Variants in DAB1 observed in about 807,000 individuals in gnomAD.
The protein encoded by DAB1 is DAB adaptor protein 1.
A neutral mutation model predicts 64.6 loss-of-function variants in DAB1; 15 were observed. That is an observed-to-expected ratio of 0.23 (90% confidence interval 0.16 to 0.36). The LOEUF (loss-of-function observed/expected upper bound fraction) is 0.36. DAB1 is among the 10% of genes least tolerant of loss of function. The pLI is 1.00. For missense variants in DAB1, 596 were observed against 706.7 expected (o/e 0.84, Z 1.78); for synonymous variants, 235 against 251.9 (o/e 0.93, Z 0.64).
At chr1:57,889,909 G>GCC (rs1644284879) in intron 5 of DAB1, among the ~76,000 whole-genome samples, 1 of 112,078 alleles carries the variant, frequency 8.9e-6, no homozygotes, top group Non-Finnish European at 1.9e-5. Flanking sequence ...CGGGGGGGGG[G>GCC]GAGGGGGAAG....
At chr1:58,485,060 G>C (rs1485480378) in intron 3 of DAB1, among the ~76,000 whole-genome samples, 1 of 151,764 alleles carries the variant, frequency 6.6e-6, no homozygotes, top group Non-Finnish European at 1.5e-5. Flanking sequence ...GATAATGATG[G>C]GTCAACATAG....
chr1:57,375,171 G>A (rs1313540494), intron 1 of DAB1, among the ~76,000 whole-genome samples: 6 of 152,092 alleles, frequency 3.9e-5, no homozygotes, highest in African/African-American at 1.4e-4. Flanking sequence ...CCCTCCACAG[G>A]AGCAGGTGGC....
chr1:57,922,936 T>C (rs1294937836), intron 5 of DAB1, among the ~76,000 whole-genome samples: 1 of 151,940 alleles, frequency 6.6e-6, no homozygotes, highest in Non-Finnish European at 1.5e-5. Flanking sequence ...ACAGCTCTTT[T>C]CTATTCCTTT....
intron 2 of DAB1, among the ~76,000 whole-genome samples, chr1:57,236,620 C>A (rs992532164): frequency 6.6e-6 from 1 of 152,158 alleles, no homozygotes; most frequent in Admixed American, 6.5e-5. Flanking sequence ...TCAACAATGC[C>A]TTTTTACGTC....
intron 7 of DAB1, among the ~76,000 whole-genome samples, chr1:57,434,802 A>G (rs1685630485): frequency 6.6e-6 from 1 of 152,192 alleles, no homozygotes. Context: ...ATGTATCTAA[A>G]CATACAAAAT....
chr1:58,477,419 C>A (rs898406453), intron 3 of DAB1, among the ~76,000 whole-genome samples: 11 of 152,174 alleles, frequency 7.2e-5, no homozygotes, highest in Non-Finnish European at 1.3e-4. Context: ...TCTAGTTCTG[C>A]CACTTACTTC....
At chr1:58,370,640 C>T (rs1644257583) in intron 3 of DAB1, among the ~76,000 whole-genome samples, 1 of 152,130 alleles carries the variant, frequency 6.6e-6, no homozygotes, top group Admixed American at 6.5e-5. Flanking sequence ...TCACCCAAAT[C>T]TCATGTCAAA....
chr1:57,741,690 T>G (rs1648003370), intron 6 of DAB1, among the ~76,000 whole-genome samples: 3 of 152,182 alleles, frequency 2.0e-5, no homozygotes, highest in African/African-American at 7.2e-5. Context: ...ATGCAAATAG[T>G]TTGCAGCAAA....
intron 1 of DAB1, among the ~76,000 whole-genome samples, chr1:57,882,915 T>A (rs1016943091): frequency 1.3e-5 from 2 of 152,166 alleles, no homozygotes; most frequent in African/African-American, 4.8e-5. Context: ...GAACCCAGTT[T>A]TTTTGTCCAT....
chr1:57,895,345 G>T (rs933094590), intron 5 of DAB1, among the ~76,000 whole-genome samples: 1 of 152,166 alleles, frequency 6.6e-6, no homozygotes, highest in Non-Finnish European at 1.5e-5. Context: ...TAAGTAATTT[G>T]CCCAAGGTCA....
intron 6 of DAB1, among the ~76,000 whole-genome samples, chr1:57,667,688 A>G (rs1646464339): frequency 6.6e-6 from 1 of 152,028 alleles, no homozygotes; most frequent in Non-Finnish European, 1.5e-5. Context: ...ATGGAATACT[A>G]TATAGCCATA....
At chr1:57,790,472 G>T (rs569639273) in intron 6 of DAB1, among the ~76,000 whole-genome samples, 1 of 152,220 alleles carries the variant, frequency 6.6e-6, no homozygotes, top group Non-Finnish European at 1.5e-5. Context: ...CCAGTCTCAA[G>T]TATTTCTTCA....
upstream of DAB1, among the ~76,000 whole-genome samples, chr1:57,427,648 A>G (rs913028095): frequency 2.6e-5 from 4 of 152,210 alleles, no homozygotes; most frequent in African/African-American, 9.6e-5. Context: ...TTAGCCAGAG[A>G]GTAATAAAAT....
At chr1:58,236,281 C>T (rs981178705) in intron 4 of DAB1, among the ~76,000 whole-genome samples, 5 of 152,054 alleles carry the variant, frequency 3.3e-5, no homozygotes, top group African/African-American at 1.2e-4. Flanking sequence ...TGCATACAGC[C>T]CCAGGTGCTG....
At chr1:57,598,138 A>T (rs886909266) in intron 7 of DAB1, among the ~76,000 whole-genome samples, 4 of 152,158 alleles carry the variant, frequency 2.6e-5, no homozygotes, top group Non-Finnish European at 4.4e-5. Context: ...GCCCGCCACC[A>T]CGCCTGGCTA....
intron 3 of DAB1, among the ~76,000 whole-genome samples, chr1:58,451,022 GA>G (rs1485370346): frequency 6.6e-6 from 1 of 152,192 alleles, no homozygotes; most frequent in African/African-American, 2.4e-5. Context: ...GAAAGCCTGA[GA>G]AAGTGTTACA....
At chr1:58,450,022 G>A (rs1353351713) in intron 3 of DAB1, among the ~76,000 whole-genome samples, 1 of 152,206 alleles carries the variant, frequency 6.6e-6, no homozygotes, top group Non-Finnish European at 1.5e-5. Flanking sequence ...GTGAATGAGT[G>A]AATGGGAGTA....
chr1:57,107,911 T>C (rs1260140363), intron 4 of DAB1, among the ~76,000 whole-genome samples: 1 of 152,156 alleles, frequency 6.6e-6, no homozygotes, highest in Non-Finnish European at 1.5e-5. Context: ...CTGTTTCATC[T>C]CTAAATAGGG....
intron 2 of DAB1, among the ~76,000 whole-genome samples, chr1:57,269,485 C>A (rs1022554520): frequency 2.0e-5 from 3 of 152,178 alleles, no homozygotes; most frequent in South Asian, 2.1e-4. Context: ...TGTCACCCCC[C>A]TCCCTGGCCA....
Sources: allele counts gnomAD v4.1 joint callset (sites outside exome capture counted in the v4.1 genomes callset), GRCh38; gene constraint gnomAD v4.1.1; transcripts MANE v1.5; gene names NCBI Gene and HGNC (gene_info 2026-07-23, HGNC 2026-07-21).